The following LASP1 variants were observed in gnomAD, a reference collection of about 807,000 sequenced individuals.
The protein encoded by LASP1 is LIM and SH3 domain protein 1.
LASP1 carries 10 observed loss-of-function variants against 38.6 expected under a neutral mutation model. The ratio of observed to expected loss-of-function variants is 0.26; its 90% confidence interval spans 0.16 to 0.44. The LOEUF (loss-of-function observed/expected upper bound fraction) is 0.44. Among genes scored for constraint, LASP1 ranks in the 20% least tolerant of loss-of-function variants. The pLI, the probability that LASP1 is intolerant of heterozygous loss-of-function variation, is 1.00. For missense variants in LASP1, 243 were observed against 375.7 expected (o/e 0.65, Z 2.92); for synonymous variants, 132 against 140.8 (o/e 0.94, Z 0.44).
chr17:38,891,449 CCT>C (rs1343226968), intron 3 of LASP1, among the ~76,000 whole-genome samples: 2 of 152,070 alleles, frequency 1.3e-5, no homozygotes, highest in African/African-American at 4.8e-5. Context: ...TTCCATGCAC[CCT>C]CTCTCAGCAT....
At chr17:38,914,709 CACACAT>C (rs1240175571) in intron 5 of LASP1, among the ~76,000 whole-genome samples, 14 of 128,660 alleles carry the variant, frequency 1.1e-4, no homozygotes, top group South Asian at 2.6e-4. Context: ...CACACACACA[CACACAT>C]GCACGCACGC....
intron 3 of LASP1, among the ~76,000 whole-genome samples, chr17:38,896,646 C>T (rs1480898707): frequency 6.6e-6 from 1 of 152,242 alleles, no homozygotes; most frequent in Non-Finnish European, 1.5e-5. Flanking sequence ...AGAGCACTTT[C>T]ACACTGGCCC....
intron 3 of LASP1, among the ~76,000 whole-genome samples, chr17:38,895,833 ATGG>A (rs539603934): frequency 6.6e-6 from 1 of 152,310 alleles, no homozygotes; most frequent in South Asian, 2.1e-4. Flanking sequence ...AGTTTCACGG[ATGG>A]TGGTTGTTTG....
At chr17:38,894,913 T>A (rs1179397632) in intron 3 of LASP1, among the ~76,000 whole-genome samples, 1 of 152,018 alleles carries the variant, frequency 6.6e-6, no homozygotes, top group Non-Finnish European at 1.5e-5. Context: ...AATTTTTGTA[T>A]TTTTAGTAGA....
intron 1 of LASP1, among the ~76,000 whole-genome samples, chr17:38,873,694 C>T (rs746897259): frequency 6.6e-5 from 10 of 152,200 alleles, no homozygotes; most frequent in Non-Finnish European, 1.5e-4. Context: ...TGTGGAGGTG[C>T]AGCAAAGATC....
chr17:38,892,176 G>A lies in LASP1; in HGVS notation c.249+1672G>A, dbSNP rs76623438. On this transcript the variant is annotated intron_variant, in intron 3 of 6. Coordinates refer to ENST00000318008, the MANE Select transcript of LASP1 (RefSeq NM_006148.4). ...TATCCTTGACTGGGTTCTGGGAGAA[G>A]GTAAAAGACCCAGCGTCTCTGTCTT... Among the ~76,000 whole-genome samples, 843 of 152,332 alleles carry A rather than the reference G, an allele frequency of 5.5e-3. 9 individuals are homozygous for A. Among genetic ancestry groups the A allele is most frequent in the African/African-American group, 0.019 (807 of 41,574 alleles).
chr17:38,915,237 AC>A, intron 6 of LASP1, 91 bp downstream of exon 6: 1 of 1,010,872 alleles, frequency 9.9e-7, no homozygotes, highest in Non-Finnish European at 1.5e-6. Flanking sequence ...TGACCTTTGC[AC>A]CCACCCTCTG....
intron 6 of LASP1, among the ~76,000 whole-genome samples, chr17:38,917,475 A>G (rs1302050579): frequency 6.6e-6 from 1 of 151,576 alleles, no homozygotes; most frequent in Non-Finnish European, 1.5e-5. Context: ...TGCCTTACTG[A>G]ACATTACCTA....
chr17:38,885,041 C>T (rs907041513), intron 2 of LASP1, among the ~76,000 whole-genome samples: 2 of 152,074 alleles, frequency 1.3e-5, no homozygotes, highest in Non-Finnish European at 2.9e-5. Context: ...GGCTGAGAGG[C>T]CCCAGAATAT....
At chr17:38,876,199 G>A (rs1427223453) in intron 1 of LASP1, among the ~76,000 whole-genome samples, 2 of 130,816 alleles carry the variant, frequency 1.5e-5, no homozygotes, top group African/African-American at 6.0e-5. Context: ...TTTTTTTTGA[G>A]ACAGAGTCTT....
intron 4 of LASP1, among the ~76,000 whole-genome samples, chr17:38,909,728 C>CTAAT (rs1555556262): frequency 6.7e-6 from 1 of 149,896 alleles, no homozygotes; most frequent in Non-Finnish European, 1.5e-5. Context: ...TCTTTTTCAT[C>CTAAT]TCATTCATTC....
chr17:38,874,212 C>T (rs1261253046), intron 1 of LASP1: 1 of 152,458 alleles, frequency 6.6e-6, no homozygotes, highest in Non-Finnish European at 1.5e-5. Flanking sequence ...TTCCTTGAGT[C>T]CTGAGGCCCA....
chr17:38,887,365 C>T (rs916573179), intron 2 of LASP1, among the ~76,000 whole-genome samples: 4 of 152,200 alleles, frequency 2.6e-5, no homozygotes, highest in Non-Finnish European at 2.9e-5. Flanking sequence ...GGCCTGCCAG[C>T]CCTGCTAGAG....
chr17:38,870,184 G>A lies in LASP1; in HGVS notation c.-6G>A. 6.2e-7 allele frequency: 1 copy of A among 1,613,634 alleles called. No individual in the cohort carries two copies. Among genetic ancestry groups the A allele is most frequent in the African/African-American group, 1.3e-5 (1 of 75,054 alleles). ...AGGCGTCCCCGCCCCAGCTTTTCTC[G>A]GAACCATGAACCCCAACTGCGCCCG... On this transcript the variant is annotated 5_prime_UTR_variant, in exon 1 of 7. Transcript: ENST00000318008.
At chr17:38,901,311 C>T (rs1009114307) in intron 4 of LASP1, among the ~76,000 whole-genome samples, 1 of 152,236 alleles carries the variant, frequency 6.6e-6, no homozygotes, top group Non-Finnish European at 1.5e-5. Flanking sequence ...CCAAGCCATC[C>T]GCATCTCAGG....
intron 5 of LASP1, 38 bp downstream of exon 5, chr17:38,914,513 G>T (rs751899405): frequency 1.3e-6 from 2 of 1,556,548 alleles, no homozygotes; most frequent in Non-Finnish European, 8.7e-7. Context: ...GACCTGAGGC[G>T]AGGCCAGTGG....
rs34397105 is a variant in LASP1 at position 38,899,747 on chromosome 17, C to CTTTTTTTTTTTTTTT, written c.357+1229_357+1243dup. On this transcript the variant is annotated intron_variant, in intron 4 of 6. Transcript: ENST00000318008. ...CTTCCTACTTAGAGGGCGTTCAGAT[C>CTTTTTTTTTTTTTTT]TTTTTTTTTTTTTTTGAGACAGAGT... Among the ~76,000 whole-genome samples, 29 of 136,160 alleles carry CTTTTTTTTTTTTTTT rather than the reference C, an allele frequency of 2.1e-4. 2 individuals carry two copies. The highest frequency in any genetic ancestry group is 7.2e-4 in the South Asian group (3 of 4,146). The allele number at this position is 136,160 out of a possible 152,430, so 89.3% of individuals were successfully genotyped here. A position where few individuals can be genotyped will look rare whatever the true frequency, so the allele number is the denominator to read the frequency against.
At chr17:38,889,635 C>T (rs1914247974) in intron 2 of LASP1, among the ~76,000 whole-genome samples, 2 of 152,154 alleles carry the variant, frequency 1.3e-5, no homozygotes, top group African/African-American at 4.8e-5. Flanking sequence ...ATAAAATTAC[C>T]TTCAGGCCAT....
At chr17:38,910,047 C>T (rs1914890529) in intron 4 of LASP1, among the ~76,000 whole-genome samples, 1 of 152,206 alleles carries the variant, frequency 6.6e-6, no homozygotes, top group Non-Finnish European at 1.5e-5. Context: ...CGCACCTGGC[C>T]ATCTCATACT....
Sources: allele counts gnomAD v4.1 joint callset (sites outside exome capture counted in the v4.1 genomes callset), GRCh38; gene constraint gnomAD v4.1.1; transcripts MANE v1.5; gene names NCBI Gene and HGNC (gene_info 2026-07-23, HGNC 2026-07-21).